RNF150: variants seen among roughly 807,000 people sequenced by gnomAD.
RNF150 encodes the protein ring finger protein 150.
Under a neutral mutation model 39.3 loss-of-function variants are expected in RNF150, and 24 were observed. That is an observed-to-expected ratio of 0.61 (90% CI 0.44 to 0.86). The LOEUF (loss-of-function observed/expected upper bound fraction) is 0.86. RNF150 is among the 40% of genes least tolerant of loss of function. The probability of loss-of-function intolerance (pLI) is 0.00; values close to 1 mark genes in which losing one functional copy is unlikely to be tolerated. For missense variants in RNF150, 502 were observed against 587.8 expected (o/e 0.85, Z 1.51); for synonymous variants, 255 against 227.3 (o/e 1.12, Z -1.10).
intron 1 of RNF150, among the ~76,000 whole-genome samples, chr4:141,025,155 T>C (rs1735649930): frequency 6.6e-6 from 1 of 152,118 alleles, no homozygotes; most frequent in Non-Finnish European, 1.5e-5. Flanking sequence ...AGAAGTATCA[T>C]AGAGCCTATA....
chr4:141,136,541 GAAC>G (rs1430496753), upstream of RNF150, among the ~76,000 whole-genome samples: 3 of 152,116 alleles, frequency 2.0e-5, no homozygotes, highest in African/African-American at 7.2e-5. Context: ...GGCACTTCTT[GAAC>G]AACTGACAAG....
chr4:140,979,607 C>T (rs1733786688), intron 1 of RNF150, among the ~76,000 whole-genome samples: 1 of 151,796 alleles, frequency 6.6e-6, no homozygotes, highest in Non-Finnish European at 1.5e-5. Context: ...ATGAAACCTG[C>T]ATTTAGACCA....
intron 1 of RNF150, among the ~76,000 whole-genome samples, chr4:141,181,766 C>A (rs1727913175): frequency 6.6e-6 from 1 of 152,128 alleles, no homozygotes; most frequent in East Asian, 1.9e-4. Flanking sequence ...TAATGATGTG[C>A]TAATTGTTGT....
At chr4:141,172,408 C>A (rs994576161) in intron 1 of RNF150, among the ~76,000 whole-genome samples, 18 of 152,180 alleles carry the variant, frequency 1.2e-4, no homozygotes, top group African/African-American at 4.3e-4. Flanking sequence ...GAGACTCTGG[C>A]AAGAGCATGA....
chr4:140,893,187 ATTAT>A (rs1288445797), intron 6 of RNF150, among the ~76,000 whole-genome samples: 1 of 151,780 alleles, frequency 6.6e-6, no homozygotes, highest in African/African-American at 2.4e-5. Flanking sequence ...GCCTTATTTC[ATTAT>A]TTAAATATTC....
intron 1 of RNF150, among the ~76,000 whole-genome samples, chr4:141,075,545 A>G (rs1453686928): frequency 6.6e-6 from 1 of 152,218 alleles, no homozygotes; most frequent in Non-Finnish European, 1.5e-5. Context: ...TTTCCCCTGA[A>G]TTATTTATCA....
chr4:140,922,157 T>A (rs974091404), intron 5 of RNF150, among the ~76,000 whole-genome samples: 1 of 151,706 alleles, frequency 6.6e-6, no homozygotes, highest in African/African-American at 2.4e-5. Context: ...GGTATTCAAT[T>A]AGGAAAAGAG....
chr4:141,067,743 T>G (rs1300765487), intron 1 of RNF150, among the ~76,000 whole-genome samples: 2 of 152,192 alleles, frequency 1.3e-5, no homozygotes, highest in Admixed American at 1.3e-4. Context: ...CTTTCCACTA[T>G]GATTCCTATT....
rs551811334 is a variant in RNF150 at position 141,070,630 on chromosome 4, A to C, written c.484+61695T>G. Among the ~76,000 whole-genome samples, 262 of 150,412 alleles carry C rather than the reference A, an allele frequency of 1.7e-3. 2 individuals carry two copies. Among genetic ancestry groups the C allele is most frequent in the African/African-American group, 6.2e-3 (254 of 41,182 alleles). ...TATGCAGCCAAAAAACACATGAAAAAATGCTCACCATCACTGGGCATCAGA... is the reference window on the plus strand; with the variant it reads ...TATGCAGCCAAAAAACACATGAAAACATGCTCACCATCACTGGGCATCAGA... On this transcript the variant is annotated intron_variant, in intron 1 of 6. Coordinates refer to ENST00000515673, the MANE Select transcript of RNF150 (RefSeq NM_020724.2).
At chr4:141,024,658 C>T (rs1190820616) in intron 1 of RNF150, among the ~76,000 whole-genome samples, 4 of 152,050 alleles carry the variant, frequency 2.6e-5, no homozygotes, top group African/African-American at 7.2e-5. Context: ...GAAAAGTGTG[C>T]GGGTGGCAAT....
At chr4:141,008,674 G>A (rs892336342) in intron 1 of RNF150, among the ~76,000 whole-genome samples, 23 of 152,088 alleles carry the variant, frequency 1.5e-4, no homozygotes, top group African/African-American at 5.6e-4. Context: ...TTTCTCCTCT[G>A]TATTGGAGTG....
chr4:141,142,468 G>C (rs1727133450), intron 1 of RNF150, among the ~76,000 whole-genome samples: 1 of 152,132 alleles, frequency 6.6e-6, no homozygotes, highest in Non-Finnish European at 1.5e-5. Context: ...AATCTTTCCT[G>C]TTCTTCCAAC....
chr4:141,176,567 TCAC>T (rs1727818280), intron 1 of RNF150, among the ~76,000 whole-genome samples: 1 of 152,148 alleles, frequency 6.6e-6, no homozygotes, highest in Non-Finnish European at 1.5e-5. Flanking sequence ...AAAACACCCT[TCAC>T]CACACAACTA....
At chr4:141,040,953 T>C (rs1264512571) in intron 1 of RNF150, among the ~76,000 whole-genome samples, 2 of 152,164 alleles carry the variant, frequency 1.3e-5, no homozygotes, top group African/African-American at 4.8e-5. Flanking sequence ...AAGAATACCA[T>C]CAGCATTATG....
At position 141,207,838 on chromosome 4, in the gene RNF150, G is replaced by A. The variant is rs73849862; in HGVS notation, c.-6+4956C>T. Among the ~76,000 whole-genome samples, 512 of 152,320 alleles carry A rather than the reference G, an allele frequency of 3.4e-3. 6 individuals carry two copies. The highest frequency in any genetic ancestry group is 0.012 in the African/African-American group (496 of 41,558). On this transcript the variant is annotated intron_variant, in intron 1 of 7. Transcript: ENST00000420921. The stretch of plus-strand genomic sequence containing the variant: ...CACTAAAGGTTAAAACATACTTGGG[G>A]TAGCCTTTTCTCAACGTTTTACTTT...
chr4:141,075,293 C>T (rs1216379763), intron 1 of RNF150, among the ~76,000 whole-genome samples: 7 of 152,130 alleles, frequency 4.6e-5, no homozygotes, highest in Middle Eastern at 6.8e-3. Context: ...TGGCTGTGTT[C>T]CAGTAAAACG....
At chr4:141,159,083 T>C (rs138599220) in intron 1 of RNF150, among the ~76,000 whole-genome samples, 5 of 152,360 alleles carry the variant, frequency 3.3e-5, no homozygotes, top group African/African-American at 1.2e-4. Flanking sequence ...AACCACATTA[T>C]CACTTTAAAT....
chr4:141,187,076 A>T (rs560523779), intron 1 of RNF150, among the ~76,000 whole-genome samples: 3 of 152,176 alleles, frequency 2.0e-5, no homozygotes, highest in Non-Finnish European at 2.9e-5. Context: ...TTGGTTTCAA[A>T]TAACTAATTT....
At chr4:140,966,877 T>A (rs1319775135) in intron 2 of RNF150, among the ~76,000 whole-genome samples, 1 of 152,186 alleles carries the variant, frequency 6.6e-6, no homozygotes, top group South Asian at 2.1e-4. Flanking sequence ...GTGTCATGTG[T>A]ACATGTTCTG....
Sources: allele counts gnomAD v4.1 joint callset (sites outside exome capture counted in the v4.1 genomes callset), GRCh38; gene constraint gnomAD v4.1.1; transcripts MANE v1.5; gene names NCBI Gene and HGNC (gene_info 2026-07-23, HGNC 2026-07-21).